Variants in BNC2 observed in about 807,000 individuals in gnomAD.
The protein encoded by BNC2 is basonuclin zinc finger protein 2.
Under a neutral mutation model 76.3 loss-of-function variants are expected in BNC2, and 20 were observed. That is an observed-to-expected ratio of 0.26 (90% CI 0.18 to 0.38). The LOEUF (loss-of-function observed/expected upper bound fraction) is 0.38, where lower values mean the gene tolerates loss of function less well. Ranked by LOEUF, BNC2 falls within the 10% of genes least tolerant of loss-of-function variation. The probability of loss-of-function intolerance (pLI) is 1.00; values close to 1 mark genes in which losing one functional copy is unlikely to be tolerated. For missense variants in BNC2, 1,382 were observed against 1,399.8 expected (o/e 0.99, Z 0.20); for synonymous variants, 582 against 514.8 (o/e 1.13, Z -1.77).
At chr9:16,845,532 T>C (rs7851036) in intron 1 of BNC2, among the ~76,000 whole-genome samples, 81,354 of 151,382 alleles carry the variant, frequency 0.54, 23,510 homozygotes, top group Middle Eastern at 0.75. Flanking sequence ...CCATCCTGGC[T>C]AACACAGTGA....
chr9:16,791,110 A>G (rs1222106086), intron 1 of BNC2, among the ~76,000 whole-genome samples: 4 of 151,790 alleles, frequency 2.6e-5, no homozygotes, highest in African/African-American at 9.7e-5. Flanking sequence ...CGCCCAGGCT[A>G]GAGTGCAGTG....
At chr9:16,544,482 G>A (rs1343129597) in intron 5 of BNC2, among the ~76,000 whole-genome samples, 2 of 152,048 alleles carry the variant, frequency 1.3e-5, no homozygotes, top group Admixed American at 1.3e-4. Context: ...ATAAAATAGG[G>A]AAATATAAAG....
chr9:16,437,343 G>C lies in BNC2; in HGVS notation c.851C>G (p.Thr284Ser), dbSNP rs1272200214. 1 of 1,614,162 alleles carries C rather than the reference G, an allele frequency of 6.2e-7. No individual in the cohort carries two copies. The change falls in exon 6 of 7, where the codon ACT (threonine) becomes AGT (serine). Residue 284 changes from threonine (T) to serine (S), a missense_variant. Physicochemically the swap from Thr to Ser is moderately conservative, Grantham distance 58. Coordinates refer to ENST00000380672, the MANE Select transcript of BNC2 (RefSeq NM_017637.6). ...GGTGCGATTATTGCTCTCAATGAAA[G>C]TCCTTATATCTGAGTCTGTCTTTGA... ...PSSKTDSDIR[T>S]FIESNNRTRS...
At chr9:16,644,121 A>G (rs1563877507) in intron 3 of BNC2, among the ~76,000 whole-genome samples, 3 of 152,214 alleles carry the variant, frequency 2.0e-5, no homozygotes, top group Non-Finnish European at 2.9e-5. Context: ...TTTTATTTCT[A>G]TTCTGCCTTT....
intron 5 of BNC2, among the ~76,000 whole-genome samples, chr9:16,469,992 CTTTTTTTTT>C (rs201134930): frequency 8.7e-6 from 1 of 114,958 alleles, no homozygotes; most frequent in East Asian, 2.7e-4. Flanking sequence ...TAATGGCATT[CTTTTTTTTT>C]TTTTTTTTTT....
chr9:16,702,731 G>C (rs1031714782), intron 3 of BNC2, among the ~76,000 whole-genome samples: 6 of 152,142 alleles, frequency 3.9e-5, no homozygotes, highest in African/African-American at 1.4e-4. Context: ...GATGACCTAA[G>C]GTTTATTAAG....
intron 4 of BNC2, among the ~76,000 whole-genome samples, chr9:16,558,605 T>C (rs1339840490): frequency 6.6e-6 from 1 of 152,174 alleles, no homozygotes; most frequent in Non-Finnish European, 1.5e-5. Context: ...CTATTACAAC[T>C]ACCCTTTGAG....
intron 3 of BNC2, among the ~76,000 whole-genome samples, chr9:16,609,204 T>C (rs142958108): frequency 1.3e-5 from 2 of 152,168 alleles, no homozygotes; most frequent in South Asian, 2.1e-4. Context: ...GTCTCAGACA[T>C]GAAATCATTA....
chr9:16,688,048 G>C (rs1478386775), intron 3 of BNC2, among the ~76,000 whole-genome samples: 1 of 152,192 alleles, frequency 6.6e-6, no homozygotes, highest in Non-Finnish European at 1.5e-5. Flanking sequence ...ATATCCATAA[G>C]AATCTTTGAA....
At chr9:16,434,822 C>T (rs1398376052) in intron 6 of BNC2, 2 of 456,236 alleles carry the variant, frequency 4.4e-6, no homozygotes, top group Admixed American at 4.7e-5. Flanking sequence ...TGCATGCCTC[C>T]CCTTCTGTGC....
chr9:16,605,629 A>G (rs1820362101), intron 3 of BNC2, among the ~76,000 whole-genome samples: 1 of 152,206 alleles, frequency 6.6e-6, no homozygotes, highest in Admixed American at 6.5e-5. Flanking sequence ...TCTTATTGCC[A>G]AAGAAAGAAC....
chr9:16,495,230 G>T (rs1822362884), intron 5 of BNC2, among the ~76,000 whole-genome samples: 1 of 152,138 alleles, frequency 6.6e-6, no homozygotes, highest in Admixed American at 6.5e-5. Context: ...TAACCTCATT[G>T]GCTTTCTTGG....
chr9:16,802,535 G>A (rs976075503), intron 1 of BNC2, among the ~76,000 whole-genome samples: 3 of 152,186 alleles, frequency 2.0e-5, no homozygotes, highest in African/African-American at 7.2e-5. Flanking sequence ...AATGTGCATT[G>A]GTCTTGCTTC....
intron 1 of BNC2, among the ~76,000 whole-genome samples, chr9:16,803,909 A>G (rs1224968898): frequency 3.9e-5 from 6 of 152,208 alleles, no homozygotes; most frequent in Non-Finnish European, 7.3e-5. Flanking sequence ...TCAATCGTCA[A>G]GGGAAGACTA....
chr9:16,529,315 GGATAT>G (rs1458681328), intron 5 of BNC2, among the ~76,000 whole-genome samples: 1 of 151,966 alleles, frequency 6.6e-6, no homozygotes, highest in Non-Finnish European at 1.5e-5. Flanking sequence ...TTAAACAGTA[GGATAT>G]AAGAAAAATA....
At chr9:16,637,048 A>AT (rs201933323) in intron 3 of BNC2, among the ~76,000 whole-genome samples, 42 of 149,106 alleles carry the variant, frequency 2.8e-4, no homozygotes, top group Admixed American at 1.5e-3. Context: ...ACTGCTCTTA[A>AT]TTTTTTTTTT....
chr9:16,516,282 C>A (rs929988795), intron 5 of BNC2, among the ~76,000 whole-genome samples: 3 of 151,756 alleles, frequency 2.0e-5, no homozygotes, highest in African/African-American at 4.8e-5. Flanking sequence ...GTGTAGATAA[C>A]GTTCTTGTGA....
intron 4 of BNC2, among the ~76,000 whole-genome samples, chr9:16,574,781 G>C (rs1038589851): frequency 2.6e-5 from 4 of 152,086 alleles, no homozygotes; most frequent in Non-Finnish European, 5.9e-5. Context: ...AGAATATTGG[G>C]CTAACCCTAC....
intron 5 of BNC2, among the ~76,000 whole-genome samples, chr9:16,472,254 A>C (rs1168846566): frequency 6.6e-6 from 1 of 152,158 alleles, no homozygotes; most frequent in Admixed American, 6.5e-5. Flanking sequence ...TTCTCATCTT[A>C]CTTCTCCTTC....
Sources: gnomAD v4.1 joint callset for allele counts (sites outside exome capture counted in the v4.1 genomes callset) on GRCh38, gnomAD v4.1.1 for gene constraint, MANE v1.5 for transcripts, NCBI Gene and HGNC (gene_info 2026-07-23, HGNC 2026-07-21) for gene names.